DENND1A: variants seen among roughly 807,000 people sequenced by gnomAD.
DENND1A encodes the protein DENN domain-containing protein 1A.
In DENND1A, 51 loss-of-function variants were observed where a neutral mutation model predicts 113.7. That is an observed-to-expected ratio of 0.45 (90% CI 0.36 to 0.57). The LOEUF (loss-of-function observed/expected upper bound fraction) is 0.57, where lower values mean the gene tolerates loss of function less well. Among genes scored for constraint, DENND1A ranks in the 20% least tolerant of loss-of-function variants. The probability of loss-of-function intolerance (pLI) is 0.00; values close to 1 mark genes in which losing one functional copy is unlikely to be tolerated. For synonymous variants in DENND1A, 565 were observed against 570.8 expected (o/e 0.99, Z 0.14); for missense variants, 1,258 against 1,395.9 (o/e 0.90, Z 1.57).
intron 5 of DENND1A, among the ~76,000 whole-genome samples, chr9:123,698,740 C>A (rs2065684556): frequency 6.6e-6 from 1 of 152,186 alleles, no homozygotes; most frequent in African/African-American, 2.4e-5. Flanking sequence ...TTGGCTCAAG[C>A]CACTGGCAAC....
At chr9:123,489,091 C>T (rs1038535002) in intron 13 of DENND1A, among the ~76,000 whole-genome samples, 1 of 152,086 alleles carries the variant, frequency 6.6e-6, no homozygotes, top group Non-Finnish European at 1.5e-5. Context: ...CACACACACA[C>T]ATCCACACAC....
chr9:123,426,284 C>A (rs1406968513), intron 19 of DENND1A, among the ~76,000 whole-genome samples: 1 of 152,172 alleles, frequency 6.6e-6, no homozygotes, highest in South Asian at 2.1e-4. Context: ...CTTTCTGATA[C>A]CCATTGTGCC....
intron 13 of DENND1A, among the ~76,000 whole-genome samples, chr9:123,507,747 T>C (rs945231802): frequency 1.3e-5 from 2 of 150,688 alleles, no homozygotes; most frequent in East Asian, 1.9e-4. Flanking sequence ...CCTCAGCTAC[T>C]TGGGGGGCTG....
chr9:123,469,787 G>A (rs999886512), intron 13 of DENND1A, among the ~76,000 whole-genome samples: 2 of 152,180 alleles, frequency 1.3e-5, no homozygotes, highest in Admixed American at 6.5e-5. Context: ...ACAGCATCGC[G>A]TGAGGTAGGT....
At chr9:123,456,978 T>G (rs1478476934) in intron 15 of DENND1A, 1 of 203,728 alleles carries the variant, frequency 4.9e-6, no homozygotes, top group East Asian at 1.3e-4. Flanking sequence ...GGATAGGAAC[T>G]TTAGCTACAG....
At chr9:123,841,472 T>G (rs1004994615) in intron 2 of DENND1A, among the ~76,000 whole-genome samples, 1 of 152,220 alleles carries the variant, frequency 6.6e-6, no homozygotes. Flanking sequence ...TTCTTAATAT[T>G]GAGATCTGGT....
intron 11 of DENND1A, among the ~76,000 whole-genome samples, chr9:123,590,866 A>C (rs914454897): frequency 6.6e-6 from 1 of 152,222 alleles, no homozygotes; most frequent in Non-Finnish European, 1.5e-5. Flanking sequence ...AATCATAGCC[A>C]ACCATACAAG....
At chr9:123,674,346 A>T (rs145678864) in intron 6 of DENND1A, among the ~76,000 whole-genome samples, 9,243 of 49,146 alleles carry the variant, frequency 0.19, 294 homozygotes, top group Non-Finnish European at 0.22. Flanking sequence ...TCTCTCTCAC[A>T]CACACACACA....
intron 2 of DENND1A, among the ~76,000 whole-genome samples, chr9:123,797,925 G>A (rs971052818): frequency 1.3e-5 from 2 of 151,678 alleles, no homozygotes; most frequent in African/African-American, 2.4e-5. Context: ...TTTGAAAGAC[G>A]TCTAATTCAT....
chr9:123,544,731 C>T (rs2056535894), intron 13 of DENND1A, among the ~76,000 whole-genome samples: 1 of 152,170 alleles, frequency 6.6e-6, no homozygotes, highest in Non-Finnish European at 1.5e-5. Context: ...TTTTCTTTTC[C>T]TTAAGACTTC....
chr9:123,639,039 T>TAAA (rs750972974), intron 9 of DENND1A, among the ~76,000 whole-genome samples: 6,185 of 32,030 alleles, frequency 0.19, 779 homozygotes, highest in Non-Finnish European at 0.23. Flanking sequence ...GCATGAGTAG[T>TAAA]AAAAAAAAAA....
chr9:123,887,263 C>T (rs1043601118), intron 1 of DENND1A, among the ~76,000 whole-genome samples: 7 of 152,148 alleles, frequency 4.6e-5, no homozygotes, highest in African/African-American at 1.7e-4. Flanking sequence ...GTGAGGTAGA[C>T]GTTCATGCTG....
chr9:123,636,513 C>T (rs2061708815), intron 9 of DENND1A, among the ~76,000 whole-genome samples: 1 of 151,868 alleles, frequency 6.6e-6, no homozygotes, highest in African/African-American at 2.4e-5. Flanking sequence ...GACAGGGTTT[C>T]GCCAAATTGG....
intron 13 of DENND1A, among the ~76,000 whole-genome samples, chr9:123,504,108 C>A (rs549294985): frequency 6.6e-6 from 1 of 152,234 alleles, no homozygotes; most frequent in Non-Finnish European, 1.5e-5. Context: ...AGCCCACTTC[C>A]ATGCTGCAAG....
chr9:123,607,920 A>G (rs539036749), intron 11 of DENND1A, among the ~76,000 whole-genome samples: 1 of 152,186 alleles, frequency 6.6e-6, no homozygotes, highest in Non-Finnish European at 1.5e-5. Flanking sequence ...GATAGACCAA[A>G]TAGTCGTTAT....
chr9:123,610,623 G>A (rs2060375097), intron 10 of DENND1A, among the ~76,000 whole-genome samples: 1 of 152,162 alleles, frequency 6.6e-6, no homozygotes, highest in African/African-American at 2.4e-5. Flanking sequence ...CTGTAGTATG[G>A]GATATAGTCT....
intron 5 of DENND1A, among the ~76,000 whole-genome samples, chr9:123,715,074 T>C (rs9802408): frequency 0.21 from 31,212 of 151,672 alleles, 3,453 homozygotes; most frequent in African/African-American, 0.3. Flanking sequence ...TCCCAGCTAC[T>C]TAGGAGGCTG....
chr9:123,829,478 C>T (rs1486042014), intron 2 of DENND1A, among the ~76,000 whole-genome samples: 4 of 151,842 alleles, frequency 2.6e-5, no homozygotes, highest in Non-Finnish European at 5.9e-5. Flanking sequence ...CAAACCACAA[C>T]AGATAATGCC....
chr9:123,561,458 C>A (rs2057750453), intron 12 of DENND1A, among the ~76,000 whole-genome samples: 1 of 152,184 alleles, frequency 6.6e-6, no homozygotes, highest in East Asian at 1.9e-4. Context: ...TCTTGACCTG[C>A]CAGCACCTCA....
Sources: gnomAD v4.1 joint callset for allele counts (sites outside exome capture counted in the v4.1 genomes callset) on GRCh38, gnomAD v4.1.1 for gene constraint, MANE v1.5 for transcripts, NCBI Gene and HGNC (gene_info 2026-07-23, HGNC 2026-07-21) for gene names.